Variants in SPAG16 observed in about 807,000 individuals in gnomAD.
SPAG16 encodes the protein sperm-associated antigen 16 protein.
Under a neutral mutation model 80.4 loss-of-function variants are expected in SPAG16, and 86 were observed. The observed-to-expected ratio is 1.07, with a 90% CI of 0.90 to 1.28. The LOEUF is 1.28. SPAG16 is among the 50% of genes most tolerant of loss of function. SPAG16 has a pLI of 0.00. For synonymous variants in SPAG16, 294 were observed against 265.9 expected (o/e 1.11, Z -1.03); for missense variants, 870 against 765.3 (o/e 1.14, Z -1.61).
chr2:213,485,813 G>A (rs912772112), intron 9 of SPAG16, among the ~76,000 whole-genome samples: 16 of 152,186 alleles, frequency 1.1e-4, no homozygotes, highest in African/African-American at 3.9e-4. Flanking sequence ...GAGTGGCACA[G>A]ATCTAGGGTC....
intron 13 of SPAG16, among the ~76,000 whole-genome samples, chr2:214,017,185 T>G (rs979808145): frequency 6.6e-6 from 1 of 152,048 alleles, no homozygotes; most frequent in Admixed American, 6.6e-5. Flanking sequence ...CAGGCGTGAC[T>G]TAAAAATAAA....
intron 11 of SPAG16, among the ~76,000 whole-genome samples, chr2:213,864,718 A>T (rs1401365948): frequency 1.3e-5 from 2 of 152,100 alleles, no homozygotes; most frequent in Non-Finnish European, 1.5e-5. Flanking sequence ...GGTAGCTGAC[A>T]CTGTCAGGCA....
chr2:214,160,486 T>A (rs2056395168), intron 15 of SPAG16, among the ~76,000 whole-genome samples: 1 of 151,776 alleles, frequency 6.6e-6, no homozygotes, highest in African/African-American at 2.4e-5. Flanking sequence ...TTTATCATCC[T>A]TTTTTTTCTT....
At chr2:213,628,547 TG>T (rs1461041606) in intron 10 of SPAG16, among the ~76,000 whole-genome samples, 1 of 152,266 alleles carries the variant, frequency 6.6e-6, no homozygotes, top group Non-Finnish European at 1.5e-5. Flanking sequence ...AAGTGACTAA[TG>T]TCTGATCATA....
chr2:213,816,609 A>G (rs1479861762), intron 10 of SPAG16, among the ~76,000 whole-genome samples: 4 of 152,058 alleles, frequency 2.6e-5, no homozygotes, highest in Non-Finnish European at 4.4e-5. Flanking sequence ...TTGACATCTT[A>G]TGAGATACTT....
intron 12 of SPAG16, among the ~76,000 whole-genome samples, chr2:213,949,179 T>TTTTTTTTTTTTTTTGTGTTTTG (rs1575623841): frequency 2.8e-5 from 1 of 36,244 alleles, no homozygotes; most frequent in Non-Finnish European, 5.5e-5. Context: ...GTTTTTTTTT[T>TTTTTTTTTTTTTTTGTGTTTTG]TTTTTTTTTT....
chr2:214,081,896 G>A (rs774966088), intron 13 of SPAG16, among the ~76,000 whole-genome samples: 87 of 152,004 alleles, frequency 5.7e-4, no homozygotes, highest in Non-Finnish European at 1.1e-3. Flanking sequence ...CAGGGAAAGA[G>A]GGTGGGGCAA....
intron 12 of SPAG16, among the ~76,000 whole-genome samples, chr2:213,954,028 A>G (rs1421336950): frequency 6.6e-6 from 1 of 152,088 alleles, no homozygotes; most frequent in East Asian, 1.9e-4. Context: ...AAAGTTTACA[A>G]TTCAGTATTT....
chr2:214,257,041 G>T (rs183553911), intron 15 of SPAG16, among the ~76,000 whole-genome samples: 77 of 152,006 alleles, frequency 5.1e-4, no homozygotes, highest in African/African-American at 1.8e-3. Flanking sequence ...TGGAAATGAT[G>T]AATCTCATGA....
chr2:214,205,914 G>T (rs948836678), intron 15 of SPAG16, among the ~76,000 whole-genome samples: 1 of 152,010 alleles, frequency 6.6e-6, no homozygotes, highest in African/African-American at 2.4e-5. Flanking sequence ...ATTGATAACT[G>T]GCCGGGCGCA....
At chr2:214,224,106 G>C (rs531244709) in intron 15 of SPAG16, among the ~76,000 whole-genome samples, 1 of 152,144 alleles carries the variant, frequency 6.6e-6, no homozygotes, top group Non-Finnish European at 1.5e-5. Flanking sequence ...AAAGGGCCTT[G>C]AAAGTTAAGC....
At chr2:214,088,171 G>C (rs1411422402) in intron 13 of SPAG16, among the ~76,000 whole-genome samples, 1 of 151,828 alleles carries the variant, frequency 6.6e-6, no homozygotes, top group African/African-American at 2.4e-5. Flanking sequence ...GAAGAGGATG[G>C]AAGCACTCAC....
intron 15 of SPAG16, among the ~76,000 whole-genome samples, chr2:214,364,205 C>G (rs1912187): frequency 0.74 from 112,440 of 151,876 alleles, 43,689 homozygotes; most frequent in South Asian, 0.87. Flanking sequence ...ACTATAGTAT[C>G]CCCAGTGACT....
At position 213,736,436 on chromosome 2, in the gene SPAG16, C is replaced by T. The variant is rs145061557; in HGVS notation, c.1071-126049C>T. On this transcript the variant is annotated intron_variant, in intron 10 of 15. Transcript: ENST00000331683. ...CCAAGTAGCTGGCATTACATGCACC[C>T]ACCACCACACCCGGCTAATTTTTGT... is the stretch of plus-strand genomic sequence containing the variant. Among the ~76,000 whole-genome samples, 8 of 152,040 alleles carry T rather than the reference C, an allele frequency of 5.3e-5. No individual in the cohort carries two copies. In the East Asian group the frequency reaches 1.4e-3, roughly 26 times the overall value.
At chr2:214,279,070 A>T (rs1419513076) in intron 15 of SPAG16, among the ~76,000 whole-genome samples, 1 of 151,896 alleles carries the variant, frequency 6.6e-6, no homozygotes, top group Non-Finnish European at 1.5e-5. Context: ...AATAACAAGC[A>T]ACAACAAAAA....
In SPAG16 at chr2:214,069,761, A is replaced by G. The variant is rs41519048; in HGVS notation, c.1528-38435A>G. Among the ~76,000 whole-genome samples the G allele has an allele frequency of 2.8e-3, 421 of 152,040 alleles. 9 individuals are homozygous for G. The East Asian group carries it at 0.033, about 12-fold the overall frequency. ...TAGAAACTTCTATATCTACTCATAT[A>G]TACTGAAGAACCTAAATTTTCTAAA... On this transcript the variant is annotated intron_variant, in intron 13 of 15. Transcript: ENST00000331683.
At chr2:213,637,955 C>T (rs545496041) in intron 10 of SPAG16, among the ~76,000 whole-genome samples, 28 of 152,138 alleles carry the variant, frequency 1.8e-4, no homozygotes, top group Non-Finnish European at 3.2e-4. Flanking sequence ...GACGGGGTTT[C>T]ACTGTGTTAG....
At chr2:213,974,691 A>C (rs2045265206) in intron 12 of SPAG16, among the ~76,000 whole-genome samples, 1 of 152,076 alleles carries the variant, frequency 6.6e-6, no homozygotes, top group Non-Finnish European at 1.5e-5. Context: ...GTGCTTTATC[A>C]GTGGCTGCTC....
chr2:214,205,221 CAA>C (rs893146708), intron 15 of SPAG16, among the ~76,000 whole-genome samples: 1 of 133,742 alleles, frequency 7.5e-6, no homozygotes, highest in Non-Finnish European at 1.7e-5. Flanking sequence ...GAGACTCTGC[CAA>C]AAAAAAAGAA....
Sources: gnomAD v4.1 joint callset for allele counts (sites outside exome capture counted in the v4.1 genomes callset) on GRCh38, gnomAD v4.1.1 for gene constraint, MANE v1.5 for transcripts, NCBI Gene and HGNC (gene_info 2026-07-23, HGNC 2026-07-21) for gene names.